Variants in MYO7B observed in about 807,000 individuals in gnomAD.
MYO7B encodes the protein myosin VIIB, also known as unconventional myosin-VIIb.
A neutral mutation model predicts 259.7 loss-of-function variants in MYO7B; 212 were observed. That is an observed-to-expected ratio of 0.82 (90% CI 0.73 to 0.91). MYO7B has a LOEUF of 0.91. MYO7B is among the 40% of genes least tolerant of loss of function. The probability of loss-of-function intolerance (pLI) is 0.00; values close to 1 mark genes in which losing one functional copy is unlikely to be tolerated. For missense variants in MYO7B, 2,732 were observed against 2,813.5 expected (o/e 0.97, Z 0.66); for synonymous variants, 1,197 against 1,166.4 (o/e 1.03, Z -0.54).
At chr2:127,544,176 A>C (rs1373943422) in intron 1 of MYO7B, among the ~76,000 whole-genome samples, 1 of 152,120 alleles carries the variant, frequency 6.6e-6, no homozygotes, top group Non-Finnish European at 1.5e-5. Flanking sequence ...TCCCAGACTT[A>C]AGTGATCCTC....
intron 7 of MYO7B, among the ~76,000 whole-genome samples, 171 bp downstream of exon 7, chr2:127,574,233 A>T (rs774340009): frequency 1.1e-4 from 16 of 152,188 alleles, no homozygotes; most frequent in Non-Finnish European, 2.1e-4. Context: ...ACAGCAAATG[A>T]TAGAAATTTT....
intron 27 of MYO7B, among the ~76,000 whole-genome samples, chr2:127,621,287 G>A (rs554312244): frequency 2.1e-5 from 3 of 139,842 alleles, no homozygotes; most frequent in East Asian, 4.1e-4. Context: ...TTTTTGAGAC[G>A]GAGTCTCACT....
Position 127,608,743 on chromosome 2 carries a change from C to A in MYO7B, c.2679C>A (p.Ser893Arg). The A allele has an allele frequency of 6.2e-7, 1 of 1,613,238 alleles. No homozygotes were observed. The highest frequency in any genetic ancestry group is 2.2e-5 in the East Asian group (1 of 44,878). Reference sequence around the variant, plus strand: ...TCATCCCGGCCGAGGGGCAGAAAAGCCAAGGCGCTCTCCCTGCCAAGAAGC... The same window carrying A: ...TCATCCCGGCCGAGGGGCAGAAAAGACAAGGCGCTCTCCCTGCCAAGAAGC... The part of the protein sequence containing the change: ...PLVIPAEGQK[S>R]QGALPAKKRR... Residue 893 changes from serine (S) to arginine (R), a missense_variant, in exon 22 of 48, where the codon AGC (serine) becomes AGA (arginine). Physicochemically the swap from Ser to Arg is moderately radical, Grantham distance 110. Coordinates refer to ENST00000409816, the MANE Select transcript of MYO7B (RefSeq NM_001393586.1).
rs780170585 is a variant in MYO7B at position 127,625,358 on chromosome 2, G to A, written c.4048-10G>A. On this transcript the variant is annotated splice_polypyrimidine_tract_variant and intron_variant, in intron 30 of 47. Transcript: ENST00000409816. ...CTCACTCGCCCCCGTGGGTGCCCTG[G>A]GCTGTGCAGGAGGAAGAGCTGGTTG... 2.6e-6 allele frequency: 4 copies of A among 1,546,368 alleles called. No homozygotes were observed. The highest frequency in any genetic ancestry group is 2.4e-5 in the East Asian group (1 of 41,816).
rs1424183058 is a variant in MYO7B, at chr2:127,630,769, C to G, written c.4807-9C>G. The G allele has an allele frequency of 1.9e-6, 3 of 1,612,544 alleles. No homozygotes were observed. The highest frequency in any genetic ancestry group is 4.5e-5 in the East Asian group (2 of 44,882). On this transcript the variant is annotated splice_polypyrimidine_tract_variant and intron_variant, in intron 35 of 47. Transcript: ENST00000409816. The stretch of plus-strand genomic sequence containing the variant: ...CTCCTGGGCACCCACAGGCCTGTGC[C>G]CCCTTCAGAGCTTGCTTGCCATGTC...
At chr2:127,579,539 G>A (rs1685329785) in intron 9 of MYO7B, among the ~76,000 whole-genome samples, 1 of 152,042 alleles carries the variant, frequency 6.6e-6, no homozygotes, top group African/African-American at 2.4e-5. Flanking sequence ...AGTGAAGCAG[G>A]CACAAGAGAA....
intron 1 of MYO7B, among the ~76,000 whole-genome samples, chr2:127,543,160 C>T (rs1349124131): frequency 2.0e-5 from 3 of 152,182 alleles, no homozygotes; most frequent in Non-Finnish European, 4.4e-5. Context: ...AGGTCTTTCC[C>T]TTCCCACGAG....
chr2:127,628,990 C>T lies in MYO7B; in HGVS notation c.4624+455C>T, dbSNP rs1558849800. Among the ~76,000 whole-genome samples, 1 of 152,242 alleles carries T rather than the reference C, an allele frequency of 6.6e-6. No individual in the cohort carries two copies. Among genetic ancestry groups the T allele is most frequent in the Non-Finnish European group, 1.5e-5 (1 of 68,040 alleles). Reference sequence around the variant, plus strand: ...CTAGTTCTTGGCCACAGCTCTCCCACAAGCCAGCACTCCATCGAGAGCTGG... The same window carrying T: ...CTAGTTCTTGGCCACAGCTCTCCCATAAGCCAGCACTCCATCGAGAGCTGG... On this transcript the variant is annotated intron_variant, in intron 34 of 47. Coordinates refer to ENST00000409816, the MANE Select transcript of MYO7B (RefSeq NM_001393586.1). This position sits in a 1 kb window ranked among gnomAD's most constrained non-coding sequence, Gnocchi z 4.8.
chr2:127,562,750 T>C (rs1346750933), intron 2 of MYO7B, among the ~76,000 whole-genome samples: 1 of 151,680 alleles, frequency 6.6e-6, no homozygotes, highest in Non-Finnish European at 1.5e-5. Context: ...CCTCCCAAAG[T>C]GCTGGGATTC....
At chr2:127,610,908 A>G (rs1680359137) in intron 24 of MYO7B, among the ~76,000 whole-genome samples, 1 of 152,218 alleles carries the variant, frequency 6.6e-6, no homozygotes, top group Admixed American at 6.5e-5. Context: ...TGTGTCAGAT[A>G]TCTGTAGCTG....
intron 15 of MYO7B, among the ~76,000 whole-genome samples, chr2:127,589,001 T>C (rs1231324215): frequency 2.1e-5 from 2 of 93,032 alleles, no homozygotes; most frequent in Admixed American, 2.5e-4. Context: ...GATGGATGGG[T>C]GAGTGAGTGG....
rs114088668 is a variant in MYO7B, at chr2:127,623,810, C to G, written c.3820-283C>G. Among the ~76,000 whole-genome samples the G allele has an allele frequency of 2.2e-3, 331 of 152,322 alleles. 1 individual carries two copies. Among genetic ancestry groups the G allele is most frequent in the African/African-American group, 7.6e-3 (316 of 41,574 alleles). ...ACGCCCACACCCTCAGACTCACACA[C>G]CAGTCATCCAACCGAGGCGCCGGAT... is the stretch of plus-strand genomic sequence containing the variant. On this transcript the variant is annotated intron_variant, in intron 29 of 47. Transcript: ENST00000409816.
chr2:127,629,634 T>C lies in MYO7B; in HGVS notation c.4625-11T>C, dbSNP rs1681352617. On this transcript the variant is annotated splice_polypyrimidine_tract_variant and intron_variant, in intron 34 of 47. Transcript: ENST00000409816. The stretch of plus-strand genomic sequence containing the variant: ...CAGAGCCCTCAGCAAATAGCCTCCC[T>C]GCCCTTACAGATGACACCACCCTCC... 3 of 1,610,018 alleles carry C rather than the reference T, an allele frequency of 1.9e-6. No individual in the cohort carries two copies. The highest frequency in any genetic ancestry group is 2.5e-6 in the Non-Finnish European group (3 of 1,178,560).
chr2:127,563,839 C>T (rs1409079004), intron 2 of MYO7B, among the ~76,000 whole-genome samples: 1 of 152,234 alleles, frequency 6.6e-6, no homozygotes, highest in Non-Finnish European at 1.5e-5. Flanking sequence ...CTCAGCCACA[C>T]CACCTTCCTA....
chr2:127,570,188 T>C, intron 6 of MYO7B, among the ~76,000 whole-genome samples: 1 of 151,744 alleles, frequency 6.6e-6, no homozygotes, highest in Non-Finnish European at 1.5e-5. Context: ...CAAATCAATT[T>C]GGGAAATGCT....
chr2:127,542,978 C>T (rs1693064640), intron 1 of MYO7B, among the ~76,000 whole-genome samples: 1 of 152,230 alleles, frequency 6.6e-6, no homozygotes. Flanking sequence ...AGGCGGTTTT[C>T]TCCTATCTCA....
At chr2:127,626,638 GCGCAGTGGCACGCGC>G (rs1681133838) in intron 31 of MYO7B, 1 of 206,178 alleles carries the variant, frequency 4.9e-6, no homozygotes, top group Non-Finnish European at 9.9e-6. Context: ...AATTAGCCAG[GCGCAGTGGCACGCGC>G]CTGTAGTCCC....
chr2:127,592,424 T>A lies in MYO7B; in HGVS notation c.1993-370T>A, dbSNP rs531977669. On this transcript the variant is annotated intron_variant, in intron 16 of 47. Coordinates refer to ENST00000409816, the MANE Select transcript of MYO7B (RefSeq NM_001393586.1). ...AAATAAATAAATAAAATTTAAAAAA[T>A]TTTTTTAAAAAAAGCATTTTAAACT... Among the ~76,000 whole-genome samples the A allele has an allele frequency of 4.6e-4, 70 of 152,250 alleles. 1 individual carries two copies. In the East Asian group the frequency reaches 6.0e-3, roughly 13 times the overall value.
Position 127,637,512 on chromosome 2 carries a change from G to T in MYO7B, c.*95G>T. 2 of 978,936 alleles carry T rather than the reference G, an allele frequency of 2.0e-6. No homozygotes were observed. Among genetic ancestry groups the T allele is most frequent in the Non-Finnish European group, 1.5e-6 (1 of 682,488 alleles). The allele number at this position is 978,936 out of a possible 1,614,324, so 60.6% of individuals were successfully genotyped here. ...TCTCAACCCAGGGCCTGTCCTTGGC[G>T]GGCAGCCTTCCATGCTGCCCCCCAT... On this transcript the variant is annotated 3_prime_UTR_variant, in exon 48 of 48. Coordinates refer to ENST00000409816, the MANE Select transcript of MYO7B (RefSeq NM_001393586.1).
Sources: allele counts gnomAD v4.1 joint callset (sites outside exome capture counted in the v4.1 genomes callset), GRCh38; gene constraint gnomAD v4.1.1; non-coding constraint Gnocchi (gnomAD v3.1); transcripts MANE v1.5; gene names NCBI Gene and HGNC (gene_info 2026-07-23, HGNC 2026-07-21).